Variants in SLC9A9 observed in about 807,000 individuals in gnomAD.
SLC9A9 encodes the protein solute carrier family 9 member A9.
In SLC9A9, 62 loss-of-function variants were observed where a neutral mutation model predicts 77.8. The ratio of observed to expected loss-of-function variants is 0.80; its 90% CI spans 0.65 to 0.98. The LOEUF is 0.98. Ranked by LOEUF, SLC9A9 falls within the 50% of genes least tolerant of loss-of-function variation. The probability of loss-of-function intolerance (pLI) is 0.00; values close to 1 mark genes in which losing one functional copy is unlikely to be tolerated. For missense variants in SLC9A9, 775 were observed against 774.9 expected (o/e 1.00, Z 0.00); for synonymous variants, 320 against 283.5 (o/e 1.13, Z -1.29).
intron 5 of SLC9A9, among the ~76,000 whole-genome samples, chr3:143,679,149 A>C (rs1932997293): frequency 6.6e-6 from 1 of 152,170 alleles, no homozygotes; most frequent in African/African-American, 2.4e-5. Context: ...AAACAAACAA[A>C]AACTGTTTAA....
chr3:143,359,448 C>T (rs76821276), intron 14 of SLC9A9, among the ~76,000 whole-genome samples: 5,863 of 152,030 alleles, frequency 0.039, 192 homozygotes, highest in East Asian at 0.18. Flanking sequence ...TTAGATATAG[C>T]GCCAGGGAGG....
At chr3:143,625,510 G>C (rs1290076153) in intron 6 of SLC9A9, among the ~76,000 whole-genome samples, 1 of 152,132 alleles carries the variant, frequency 6.6e-6, no homozygotes, top group Non-Finnish European at 1.5e-5. Flanking sequence ...AACAAACAAT[G>C]GGGAAAAGAT....
intron 14 of SLC9A9, among the ~76,000 whole-genome samples, chr3:143,309,038 C>T (rs1249707444): frequency 6.6e-6 from 1 of 152,196 alleles, no homozygotes; most frequent in Non-Finnish European, 1.5e-5. Context: ...TACACATGAG[C>T]AAGGTCTTCA....
intron 2 of SLC9A9, among the ~76,000 whole-genome samples, chr3:143,818,990 G>A (rs2009099974): frequency 2.0e-5 from 3 of 152,246 alleles, no homozygotes; most frequent in Admixed American, 2.0e-4. Flanking sequence ...GGCTGAGGTA[G>A]GGAATCGCTT....
intron 4 of SLC9A9, among the ~76,000 whole-genome samples, chr3:143,794,645 A>G (rs2008323033): frequency 6.6e-6 from 1 of 152,196 alleles, no homozygotes; most frequent in Non-Finnish European, 1.5e-5. Context: ...CTCCTGCCAA[A>G]TACAGGTAAG....
intron 5 of SLC9A9, among the ~76,000 whole-genome samples, chr3:143,679,710 AGTTGAT>A (rs1933019064): frequency 6.6e-6 from 1 of 152,088 alleles, no homozygotes. Flanking sequence ...CCAATTCAAT[AGTTGAT>A]ACTCCTAAAG....
intron 6 of SLC9A9, among the ~76,000 whole-genome samples, chr3:143,622,442 G>A (rs1047357125): frequency 6.6e-6 from 1 of 152,224 alleles, no homozygotes; most frequent in Non-Finnish European, 1.5e-5. Flanking sequence ...CAAGCCAGAA[G>A]AGAGTGGGGG....
chr3:143,816,595 C>T (rs1282183272), intron 2 of SLC9A9, among the ~76,000 whole-genome samples: 4 of 152,004 alleles, frequency 2.6e-5, no homozygotes, highest in African/African-American at 4.8e-5. Context: ...CTCTTGTTAC[C>T]ATTACTAAAA....
chr3:143,327,547 TTCCTGTC>T (rs2031642045), intron 14 of SLC9A9, among the ~76,000 whole-genome samples: 1 of 152,186 alleles, frequency 6.6e-6, no homozygotes, highest in South Asian at 2.1e-4. Context: ...CTTTTCCTGT[TTCCTGTC>T]ATGTGAACTT....
chr3:143,847,926 G>C (rs1005163820), intron 1 of SLC9A9: 3 of 588,086 alleles, frequency 5.1e-6, no homozygotes, highest in African/African-American at 3.7e-5. Context: ...ATTATGTGCC[G>C]TGTGAGAACA....
chr3:143,662,692 T>C (rs1399404056), intron 5 of SLC9A9, among the ~76,000 whole-genome samples: 2 of 151,952 alleles, frequency 1.3e-5, no homozygotes, highest in East Asian at 3.9e-4. Flanking sequence ...CACGGAGCCT[T>C]GCTCACTGCT....
At chr3:143,379,278 T>C (rs1176665658) in intron 13 of SLC9A9, among the ~76,000 whole-genome samples, 1 of 152,132 alleles carries the variant, frequency 6.6e-6, no homozygotes, top group African/African-American at 2.4e-5. Flanking sequence ...GAGCAAGAGA[T>C]GTTGATAATA....
chr3:143,532,513 T>C (rs892731777), intron 9 of SLC9A9, among the ~76,000 whole-genome samples: 2 of 152,318 alleles, frequency 1.3e-5, no homozygotes, highest in African/African-American at 2.4e-5. Flanking sequence ...CAGTCTCTAA[T>C]ACAGCAGTTA....
intron 4 of SLC9A9, among the ~76,000 whole-genome samples, chr3:143,726,251 G>GAAAAAAAAAAAAAAAAAAA (rs3055626): frequency 7.3e-6 from 1 of 136,926 alleles, no homozygotes; most frequent in African/African-American, 2.7e-5. Flanking sequence ...AATAAAAAAA[G>GAAAAAAAAAAAAAAAAAAA]AAAAAAAAAA....
intron 11 of SLC9A9, among the ~76,000 whole-genome samples, chr3:143,473,421 G>A (rs1223302988): frequency 2.6e-5 from 4 of 152,094 alleles, no homozygotes. Context: ...ACTTCCATAA[G>A]CAAGGCAGGT....
chr3:143,636,396 C>G (rs1302844816), intron 6 of SLC9A9, among the ~76,000 whole-genome samples: 1 of 152,090 alleles, frequency 6.6e-6, no homozygotes, highest in East Asian at 1.9e-4. Context: ...CCATTTAAGT[C>G]TCTTGTATTT....
At chr3:143,393,822 T>C (rs1097443) in intron 12 of SLC9A9, among the ~76,000 whole-genome samples, 62,574 of 150,788 alleles carry the variant, frequency 0.41, 13,104 homozygotes, top group Admixed American at 0.46. Context: ...ACTATAAACA[T>C]CTCTATGCAA....
intron 6 of SLC9A9, among the ~76,000 whole-genome samples, chr3:143,589,572 A>G (rs1220681353): frequency 6.6e-6 from 1 of 152,248 alleles, no homozygotes; most frequent in African/African-American, 2.4e-5. Context: ...CATATAACCT[A>G]GCTGTGTAGT....
intron 6 of SLC9A9, among the ~76,000 whole-genome samples, chr3:143,650,839 T>C (rs1414428732): frequency 6.6e-6 from 1 of 152,220 alleles, no homozygotes; most frequent in Non-Finnish European, 1.5e-5. Flanking sequence ...GAGGAGATAC[T>C]ACATGGACTA....
Sources: gnomAD v4.1 joint callset for allele counts (sites outside exome capture counted in the v4.1 genomes callset) on GRCh38, gnomAD v4.1.1 for gene constraint, MANE v1.5 for transcripts, NCBI Gene and HGNC (gene_info 2026-07-23, HGNC 2026-07-21) for gene names.